RSPH14: variants seen among roughly 807,000 people sequenced by gnomAD.
RSPH14 encodes radial spoke head 14 homolog, also known as rhabdoid tumor deletion region gene 1.
Under a neutral mutation model 26.7 loss-of-function variants are expected in RSPH14, and 20 were observed. The ratio of observed to expected loss-of-function variants is 0.75; its 90% CI spans 0.53 to 1.09. The LOEUF (loss-of-function observed/expected upper bound fraction) is 1.09. RSPH14 is among the 50% of genes least tolerant of loss of function. The probability of loss-of-function intolerance (pLI) is 0.00; values close to 1 mark genes in which losing one functional copy is unlikely to be tolerated. For missense variants in RSPH14, 449 were observed against 457.2 expected (o/e 0.98, Z 0.16); for synonymous variants, 177 against 189.3 (o/e 0.93, Z 0.53).
At chr22:23,134,004 T>C (rs1489737220) in intron 4 of RSPH14, 22 bp downstream of exon 4, 2 of 1,574,570 alleles carry the variant, frequency 1.3e-6, no homozygotes, top group Admixed American at 3.3e-5. Flanking sequence ...CCGACAGATC[T>C]GTGTGCAGGA....
chr22:23,140,408 GGGAAT>G lies in RSPH14; in HGVS notation c.8_12del (p.His3ProfsTer9). Reference sequence around the variant, plus strand: ...TTAATGGGAAGCTCCAAGGAGTTCTGGGAATGGGCCATCTTTCCCCAACTACAGAG... The same window carrying G: ...TTAATGGGAAGCTCCAAGGAGTTCTGGGGCCATCTTTCCCCAACTACAGAG... On this transcript the variant is annotated frameshift_variant, in exon 2 of 7. Transcript: ENST00000216036. LOFTEE classifies it high-confidence loss of function. 1 of 1,614,124 alleles carries G rather than the reference GGGAAT, an allele frequency of 6.2e-7. No individual in the cohort carries two copies. Among genetic ancestry groups the G allele is most frequent in the Non-Finnish European group, 8.5e-7 (1 of 1,180,008 alleles).
intron 4 of RSPH14, among the ~76,000 whole-genome samples, chr22:23,094,840 G>C (rs1038106626): frequency 6.6e-6 from 1 of 152,256 alleles, no homozygotes; most frequent in African/African-American, 2.4e-5. Context: ...GGGCTGGGCC[G>C]AGGCCTGGCC....
At chr22:23,154,210 C>A in the RSPH14 span, among the ~76,000 whole-genome samples, 1 of 152,140 alleles carries the variant, frequency 6.6e-6, no homozygotes, top group East Asian at 1.9e-4. Context: ...CCTGTGAGAC[C>A]CTTCCGTGCT....
chr22:23,176,772 C>G, the RSPH14 span, among the ~76,000 whole-genome samples: 6 of 152,326 alleles, frequency 3.9e-5, 1 homozygote, highest in East Asian at 1.2e-3. Context: ...AACCACTCCC[C>G]CTACTCCCAC....
At chr22:23,173,607 A>G in the RSPH14 span, among the ~76,000 whole-genome samples, 1 of 139,994 alleles carries the variant, frequency 7.1e-6, no homozygotes, top group Admixed American at 7.3e-5. Context: ...TGCTCAGGTA[A>G]TTTTTTTATT....
At chr22:23,177,348 G>A in the RSPH14 span, among the ~76,000 whole-genome samples, 5 of 152,038 alleles carry the variant, frequency 3.3e-5, no homozygotes, top group Admixed American at 1.3e-4. Flanking sequence ...CACAGGCATC[G>A]CTCTCGGTGA....
intron 4 of RSPH14, among the ~76,000 whole-genome samples, chr22:23,085,062 G>A (rs2068781972): frequency 6.6e-6 from 1 of 152,162 alleles, no homozygotes; most frequent in African/African-American, 2.4e-5. Flanking sequence ...TGAGTTTTCT[G>A]GAGGCAGCTC....
At chr22:23,098,759 A>G (rs916140052) in intron 4 of RSPH14, among the ~76,000 whole-genome samples, 8 of 152,260 alleles carry the variant, frequency 5.3e-5, no homozygotes, top group Non-Finnish European at 8.8e-5. Context: ...CTGCAGAGGA[A>G]AGACAATCCC....
chr22:23,070,166 C>G (rs1256707603), intron 4 of RSPH14, among the ~76,000 whole-genome samples: 6 of 152,056 alleles, frequency 3.9e-5, no homozygotes, highest in Non-Finnish European at 8.8e-5. Flanking sequence ...GCTACTGGCC[C>G]GTCCGTCAGC....
At chr22:23,090,440 T>G (rs974664566) in intron 4 of RSPH14, among the ~76,000 whole-genome samples, 3 of 152,114 alleles carry the variant, frequency 2.0e-5, no homozygotes, top group African/African-American at 7.2e-5. Context: ...AGGAGCCTCC[T>G]CTGGTCTGGC....
chr22:23,173,622 G>GTTTTTTTTTTTTTTT, the RSPH14 span, among the ~76,000 whole-genome samples: 1 of 112,290 alleles, frequency 8.9e-6, no homozygotes. Context: ...TTTATTTTTG[G>GTTTTTTTTTTTTTTT]TTTTTTGTTT....
intron 4 of RSPH14, among the ~76,000 whole-genome samples, chr22:23,083,137 G>A (rs964062771): frequency 6.6e-6 from 1 of 152,122 alleles, no homozygotes; most frequent in Non-Finnish European, 1.5e-5. Flanking sequence ...CCAAAGGAGG[G>A]GTCCTTAGGG....
At chr22:23,141,617 A>G (rs973857381) in intron 1 of RSPH14, among the ~76,000 whole-genome samples, 2 of 152,224 alleles carry the variant, frequency 1.3e-5, no homozygotes, top group Non-Finnish European at 2.9e-5. Flanking sequence ...GGTTATTATC[A>G]TGGTTAGTAG....
At chr22:23,155,061 G>A in the RSPH14 span, among the ~76,000 whole-genome samples, 1 of 152,194 alleles carries the variant, frequency 6.6e-6, no homozygotes, top group Non-Finnish European at 1.5e-5. Context: ...GGAGGCAGAG[G>A]TTACAGTGAG....
chr22:23,099,763 A>T (rs558625535), intron 4 of RSPH14, among the ~76,000 whole-genome samples: 13 of 152,316 alleles, frequency 8.5e-5, no homozygotes, highest in African/African-American at 2.6e-4. Context: ...CTGCTGCCCT[A>T]GGAGGGAAAG....
intron 3 of RSPH14, among the ~76,000 whole-genome samples, chr22:23,134,684 G>A (rs1469922637): frequency 6.6e-6 from 1 of 151,698 alleles, no homozygotes; most frequent in African/African-American, 2.4e-5. Context: ...GGCCAACATG[G>A]CAAAACCCCG....
intron 4 of RSPH14, among the ~76,000 whole-genome samples, chr22:23,115,294 G>A (rs1395642907): frequency 6.6e-6 from 1 of 152,180 alleles, no homozygotes; most frequent in Admixed American, 6.5e-5. Flanking sequence ...TGAGCTGATG[G>A]TGTACGTTCA....
chr22:23,172,875 A>G, the RSPH14 span, among the ~76,000 whole-genome samples: 66 of 151,548 alleles, frequency 4.4e-4, no homozygotes, highest in African/African-American at 1.5e-3. Context: ...GCATGAACCC[A>G]GGAGGCGGAA....
At chr22:23,155,486 C>T in the RSPH14 span, among the ~76,000 whole-genome samples, 6 of 152,202 alleles carry the variant, frequency 3.9e-5, no homozygotes, top group Non-Finnish European at 8.8e-5. Flanking sequence ...GTATCTCCAA[C>T]TCCTACTTTG....
Sources: allele counts gnomAD v4.1 joint callset (sites outside exome capture counted in the v4.1 genomes callset), GRCh38; gene constraint gnomAD v4.1.1; transcripts MANE v1.5; gene names NCBI Gene and HGNC (gene_info 2026-07-23, HGNC 2026-07-21).